Variants in CHRNA2 observed in about 807,000 individuals in gnomAD.
The protein encoded by CHRNA2 is neuronal acetylcholine receptor subunit alpha-2.
Under a neutral mutation model 45.5 loss-of-function variants are expected in CHRNA2, and 40 were observed. The ratio of observed to expected loss-of-function variants is 0.88; its 90% CI spans 0.68 to 1.15. The LOEUF is 1.15. CHRNA2 is among the 50% of genes most tolerant of loss of function. CHRNA2 has a pLI of 0.00. For synonymous variants in CHRNA2, 301 were observed against 296.7 expected (o/e 1.01, Z -0.15); for missense variants, 655 against 701.7 (o/e 0.93, Z 0.75).
chr8:27,470,858 G>C (rs1812857542), intron 2 of CHRNA2, 128 bp downstream of exon 2: 13 of 914,820 alleles, frequency 1.4e-5, no homozygotes, highest in Non-Finnish European at 1.9e-5. Context: ...CAGCCACCTG[G>C]CTGATGGCCT....
In CHRNA2 at chr8:27,461,424, A is replaced by G. The variant is rs1044177621; in HGVS notation, c.*205T>C. On this transcript the variant is annotated 3_prime_UTR_variant, in exon 7 of 7. Coordinates refer to ENST00000407991, the MANE Select transcript of CHRNA2 (RefSeq NM_000742.4). ...GAGCTTCCCCAGCTCCTCCGTATCC[A>G]AAACAGGGCTTTGCACCCAGCAGGC... 2.5e-5 allele frequency: 17 copies of G among 690,210 alleles called. No individual in the cohort carries two copies. The highest frequency in any genetic ancestry group is 2.1e-4 in the South Asian group (11 of 51,918). 42.8% of individuals were successfully genotyped at this position (690,210 alleles called of 1,614,324 possible).
intron 5 of CHRNA2, 116 bp from the exon 6 acceptor site, chr8:27,464,109 G>T: frequency 1.6e-6 from 2 of 1,212,754 alleles, no homozygotes; most frequent in Non-Finnish European, 2.4e-6. Flanking sequence ...GGCCACACTG[G>T]CGGGGTTTAT....
At chr8:27,471,665 G>C (rs1812887730) in intron 1 of CHRNA2, among the ~76,000 whole-genome samples, 1 of 152,240 alleles carries the variant, frequency 6.6e-6, no homozygotes, top group Non-Finnish European at 1.5e-5. Flanking sequence ...CTGAGGTGCT[G>C]ACGCTTGCTA....
intron 5 of CHRNA2, 23 bp downstream of exon 5, chr8:27,467,206 C>T (rs200169352): frequency 1.3e-6 from 2 of 1,590,346 alleles, no homozygotes; most frequent in Admixed American, 1.7e-5. Context: ...CCTCATCCCC[C>T]CAGGACCCCA....
intron 1 of CHRNA2, among the ~76,000 whole-genome samples, chr8:27,475,919 A>G (rs936436935): frequency 6.6e-6 from 1 of 152,112 alleles, no homozygotes; most frequent in African/African-American, 2.4e-5. Flanking sequence ...AGCCCCAAGC[A>G]CAGCCCCAGC....
Position 27,469,387 on chromosome 8 carries a change from A to G in CHRNA2, c.295-8T>C. The G allele has an allele frequency of 6.4e-7, 1 of 1,555,216 alleles. No individual in the cohort carries two copies. Among genetic ancestry groups the G allele is most frequent in the Middle Eastern group, 1.7e-4 (1 of 5,990 alleles). ...CATTTGGTTCTTCTCATCCTGGCCC[A>G]GAGAGAGACAGAGGAGCAATTAAAG... On this transcript the variant is annotated splice_region_variant and splice_polypyrimidine_tract_variant and intron_variant, in intron 3 of 6. Coordinates refer to ENST00000407991, the MANE Select transcript of CHRNA2 (RefSeq NM_000742.4).
chr8:27,470,250 A>G (rs1812836286), intron 2 of CHRNA2, among the ~76,000 whole-genome samples: 1 of 152,178 alleles, frequency 6.6e-6, no homozygotes. Flanking sequence ...AAACGAATCT[A>G]GAGACAAGAT....
At chr8:27,473,811 G>T (rs952880555) in intron 1 of CHRNA2, among the ~76,000 whole-genome samples, 1 of 152,092 alleles carries the variant, frequency 6.6e-6, no homozygotes, top group Non-Finnish European at 1.5e-5. Flanking sequence ...CATCCCCCCC[G>T]TCCACTCTGA....
chr8:27,467,456 C>T, intron 4 of CHRNA2, 118 bp from the exon 5 acceptor site: 1 of 751,446 alleles, frequency 1.3e-6, no homozygotes, highest in South Asian at 1.6e-5. Flanking sequence ...GCAGCCAGGG[C>T]TCCCCACCCA....
At chr8:27,462,719 C>A (rs71519636) in intron 6 of CHRNA2, among the ~76,000 whole-genome samples, 1 of 152,220 alleles carries the variant, frequency 6.6e-6, no homozygotes, top group South Asian at 2.1e-4. Flanking sequence ...CCTCCCTCTC[C>A]GGCTCTCAGG....
intron 4 of CHRNA2, among the ~76,000 whole-genome samples, chr8:27,468,745 A>G (rs892692408): frequency 1.3e-5 from 2 of 152,156 alleles, no homozygotes; most frequent in Non-Finnish European, 2.9e-5. Flanking sequence ...GACCAGATGA[A>G]CCCTCACTCA....
chr8:27,463,350 A>G lies in CHRNA2; in HGVS notation c.1093T>C (p.Trp365Arg), dbSNP rs1480856577. 4 of 1,613,968 alleles carry G rather than the reference A, an allele frequency of 2.5e-6. No individual in the cohort carries two copies. The highest frequency in any genetic ancestry group is 2.5e-6 in the Non-Finnish European group (3 of 1,179,998). Residue 365 changes from tryptophan to arginine, a missense_variant, in exon 6 of 7, where the codon TGG becomes CGG. Physicochemically the swap from Trp to Arg is moderately radical, Grantham distance 101. Transcript: ENST00000407991. The surrounding 1 kb of genome is among the most constrained non-coding windows in gnomAD (Gnocchi z 6.1). ...RSPSTHTMPHWVRGALLGCVP... is the reference protein window; with the variant it reads ...RSPSTHTMPHRVRGALLGCVP... ...CAGCCCAGAAGGGCCCCCCGCACCC[A>G]GTGGGGCATGGTGTGGGTGCTGGGG...
chr8:27,463,057 T>C lies in CHRNA2; in HGVS notation c.1386A>G (p.Leu462=). 1.2e-6 allele frequency: 2 copies of C among 1,613,470 alleles called. No homozygotes were observed. Among genetic ancestry groups the C allele is most frequent in the Non-Finnish European group, 1.7e-6 (2 of 1,179,476 alleles). ...EALLQEGELL[L]SPHMQKALEG... ...CCAGTGCCTTCTGCATGTGGGGTGA[T>C]AGCAGCAGCTCACCCTCCTGCAGCA... The change falls in exon 6 of 7, where the codon CTA becomes CTG. Residue 462 remains leucine (L), a synonymous_variant. Coordinates refer to ENST00000407991, the MANE Select transcript of CHRNA2 (RefSeq NM_000742.4). The surrounding 1 kb of genome is among the most constrained non-coding windows in gnomAD (Gnocchi z 6.1).
At chr8:27,464,032 C>T (rs781089783) in intron 5 of CHRNA2, 39 bp from the exon 6 acceptor site, 35 of 1,610,492 alleles carry the variant, frequency 2.2e-5, no homozygotes, top group Non-Finnish European at 2.8e-5. Context: ...CCCTGCACAC[C>T]CACCTGCCTG....
chr8:27,469,479 A>G, intron 3 of CHRNA2, 100 bp from the exon 4 acceptor site: 2 of 1,302,320 alleles, frequency 1.5e-6, no homozygotes, highest in Non-Finnish European at 2.2e-6. Flanking sequence ...CTGATAGGAC[A>G]CCCCAAGCCC....
rs141072985 is a variant in CHRNA2 at position 27,463,011 on chromosome 8, C to T, written c.1432G>A (p.Asp478Asn). 73 of 1,614,050 alleles carry T rather than the reference C, an allele frequency of 4.5e-5. No individual in the cohort carries two copies. The highest frequency in any genetic ancestry group is 1.6e-4 in the Middle Eastern group (1 of 6,062). ...TCAGCATCCTCAGACCGCAGGTGGTCGGCAATGTAGTGCACACCTTCCAGT... is the reference window on the plus strand; with the variant it reads ...TCAGCATCCTCAGACCGCAGGTGGTTGGCAATGTAGTGCACACCTTCCAGT... ...KALEGVHYIADHLRSEDADSS... is the reference protein window; with the variant it reads ...KALEGVHYIANHLRSEDADSS... The change falls in exon 6 of 7, where the codon GAC becomes AAC. Residue 478 changes from aspartate to asparagine, a missense_variant. Physicochemically the swap from Asp to Asn is conservative, Grantham distance 23. Around this residue, in one of 3 missense-constraint regions of CHRNA2, gnomAD observed 295 missense variants for 280.4 expected, o/e 1.05. Coordinates refer to ENST00000407991, the MANE Select transcript of CHRNA2 (RefSeq NM_000742.4). The surrounding 1 kb of genome is among the most constrained non-coding windows in gnomAD (Gnocchi z 6.1).
rs1354136403 is a variant in CHRNA2 at position 27,471,034 on chromosome 8, G to A, written c.25C>T (p.Leu9=). 1.2e-6 allele frequency: 2 copies of A among 1,614,024 alleles called. No individual in the cohort carries two copies. Among genetic ancestry groups the A allele is most frequent in the Non-Finnish European group, 1.7e-6 (2 of 1,180,000 alleles). MGPSCPVF[L]SFTKLSLWWL... is the part of the protein sequence containing the mutation. ...CACAGGCTGAGCTTTGTGAAGGACA[G>A]GAACACAGGACAGGAGGGGCCCATG... The change falls in exon 2 of 7, where the codon CTG becomes TTG. Residue 9 remains leucine (L), a synonymous_variant. Transcript: ENST00000407991.
At chr8:27,465,376 G>A (rs1812664806) in intron 5 of CHRNA2, among the ~76,000 whole-genome samples, 2 of 152,020 alleles carry the variant, frequency 1.3e-5, no homozygotes, top group South Asian at 2.1e-4. Flanking sequence ...GTAGAGATAT[G>A]GGCAGGCTGG....
intron 3 of CHRNA2, 51 bp from the exon 4 acceptor site, chr8:27,469,430 G>C: frequency 6.5e-7 from 1 of 1,534,502 alleles, no homozygotes; most frequent in South Asian, 1.2e-5. Flanking sequence ...CCCAGCCCCA[G>C]AAGACAGGGT....
Sources: gnomAD v4.1 joint callset for allele counts (sites outside exome capture counted in the v4.1 genomes callset) on GRCh38, gnomAD v4.1.1 for gene constraint, gnomAD v4.1.1 regional missense constraint, Gnocchi (gnomAD v3.1) non-coding constraint, MANE v1.5 for transcripts, NCBI Gene and HGNC (gene_info 2026-07-23, HGNC 2026-07-21) for gene names.